The following MCPH1 variants were observed in gnomAD, a reference collection of about 807,000 sequenced individuals.
The protein encoded by MCPH1 is microcephalin 1, also known as microcephalin.
MCPH1 carries 104 observed loss-of-function variants against 84.5 expected under a neutral mutation model. The observed-to-expected ratio is 1.23, with a 90% CI of 1.05 to 1.45. MCPH1 has a LOEUF of 1.45. Ranked by LOEUF, MCPH1 falls within the 40% of genes most tolerant of loss-of-function variation. The probability of loss-of-function intolerance (pLI) is 0.00; values close to 1 mark genes in which losing one functional copy is unlikely to be tolerated. For synonymous variants in MCPH1, 514 were observed against 366.8 expected, an observed-to-expected ratio of 1.40 and a Z score of -4.58; for missense variants, 1,498 against 1,005.7, an observed-to-expected ratio of 1.49 and a Z score of -6.62.
At chr8:6,615,735 TG>T (rs1830722743) in intron 12 of MCPH1, 1 of 152,102 alleles carries the variant, frequency 6.6e-6, no homozygotes, top group Non-Finnish European at 1.5e-5. Context: ...TGTAGGGAAC[TG>T]GGGAAAAAAT....
intron 11 of MCPH1, among the ~76,000 whole-genome samples, chr8:6,492,438 A>T (rs1810726334): frequency 6.6e-6 from 1 of 151,476 alleles, no homozygotes; most frequent in Admixed American, 6.6e-5. Flanking sequence ...GTTCACTCTG[A>T]TGGTAGTTTC....
At chr8:6,571,794 G>T (rs960535208) in intron 12 of MCPH1, among the ~76,000 whole-genome samples, 4 of 152,114 alleles carry the variant, frequency 2.6e-5, no homozygotes, top group African/African-American at 7.2e-5. Context: ...GGGAAATTAG[G>T]CTTGATTATA....
chr8:6,456,432 C>T (rs1805685916), intron 9 of MCPH1, among the ~76,000 whole-genome samples: 1 of 152,170 alleles, frequency 6.6e-6, no homozygotes, highest in Admixed American at 6.5e-5. Flanking sequence ...CTTCTTCCTA[C>T]TGCTACATGG....
Position 6,444,726 on chromosome 8 carries a change from C to A in MCPH1, c.1004C>A (p.Thr335Asn), listed in dbSNP as rs758634945. The A allele has an allele frequency of 1.2e-5, 20 of 1,614,028 alleles. No individual in the cohort carries two copies. The South Asian group carries it at 2.2e-4, about 18-fold the overall frequency. ...TFEEKYRLSP[T>N]LSSTKGHLLI... ...GAAGAGAAGTATCGTTTGTCTCCTA[C>A]CTTATCTTCAACAAAAGGCCACCTT... is the stretch of plus-strand genomic sequence containing the variant. Residue 335 changes from threonine to asparagine, a missense_variant, in exon 8 of 14, where the codon ACC becomes AAC. By Grantham distance (65) the Thr-to-Asn change is moderately conservative. Transcript: ENST00000344683.
chr8:6,554,025 A>G (rs988425551), intron 12 of MCPH1, among the ~76,000 whole-genome samples: 3 of 151,612 alleles, frequency 2.0e-5, no homozygotes, highest in Non-Finnish European at 4.4e-5. Context: ...TTTAACCTTC[A>G]TCCCTGAAAT....
chr8:6,532,393 C>A, intron 12 of MCPH1: 1 of 1,614,046 alleles, frequency 6.2e-7, no homozygotes, highest in Non-Finnish European at 8.5e-7. Context: ...CAGGTTTGTC[C>A]CTATTTCTAT....
chr8:6,508,463 A>G (rs916615754), intron 12 of MCPH1: 1 of 179,950 alleles, frequency 5.6e-6, no homozygotes, highest in Admixed American at 6.1e-5. Flanking sequence ...AAACAACTGG[A>G]GACTGTGTCT....
chr8:6,635,984 A>G (rs1797519698), intron 13 of MCPH1, among the ~76,000 whole-genome samples: 1 of 152,178 alleles, frequency 6.6e-6, no homozygotes, highest in Non-Finnish European at 1.5e-5. Flanking sequence ...CTTATTTTTT[A>G]CTGTGAAGTA....
rs1000942975 is a variant in MCPH1 at position 6,513,418 on chromosome 8, C to T, written c.2214+13489C>T. 3.3e-5 allele frequency among the ~76,000 whole-genome samples: 5 copies of T among 151,520 alleles called. No homozygotes were observed. In the East Asian group the frequency reaches 5.8e-4, roughly 18 times the overall value. Reference sequence around the variant, plus strand: ...CACGATCTCGGCTCACTGCAAGCTCCGCCTCCCGGGTTCACGCCATTCTTC... The same window carrying T: ...CACGATCTCGGCTCACTGCAAGCTCTGCCTCCCGGGTTCACGCCATTCTTC... On this transcript the variant is annotated intron_variant, in intron 12 of 13. Transcript: ENST00000344683.
In MCPH1 at chr8:6,444,772, G is replaced by T. The variant is rs540202402; in HGVS notation, c.1050G>T (p.Arg350Ser). Residue 350 changes from arginine (R) to serine (S), a missense_variant, in exon 8 of 14, where the codon AGG becomes AGT. By Grantham distance (110) the Arg-to-Ser change is moderately radical (BLOSUM62 -1). Coordinates refer to ENST00000344683, the MANE Select transcript of MCPH1 (RefSeq NM_024596.5). ...KGHLLIHSRP[R>S]SSSVKRKRVS... ...ACCTTTTGATACATTCAAGACCCAG[G>T]AGTTCCTCAGTAAAGAGAAAAAGAG... The T allele has an allele frequency of 2.5e-6, 4 of 1,613,916 alleles. No individual in the cohort carries two copies. The highest frequency in any genetic ancestry group is 3.4e-6 in the Non-Finnish European group (4 of 1,180,002).
intron 3 of MCPH1, 33 bp from the exon 4 acceptor site, chr8:6,431,466 T>C: frequency 1.3e-6 from 2 of 1,520,232 alleles, no homozygotes. Context: ...TAGAAGCAAA[T>C]ACTCATTAGA....
chr8:6,480,904 T>C (rs1809138152), intron 11 of MCPH1, 28 bp downstream of exon 11: 1 of 1,611,796 alleles, frequency 6.2e-7, no homozygotes, highest in Non-Finnish European at 8.5e-7. Flanking sequence ...ACTGCGTATT[T>C]TAAAACAAGG....
intron 13 of MCPH1, among the ~76,000 whole-genome samples, chr8:6,632,580 G>C (rs562666457): frequency 8.5e-5 from 13 of 152,106 alleles, no homozygotes; most frequent in Admixed American, 2.6e-4. Context: ...AAGGCCGAGG[G>C]GGGCGGATCA....
intron 12 of MCPH1, among the ~76,000 whole-genome samples, chr8:6,568,389 A>G (rs1467845665): frequency 6.6e-6 from 1 of 152,192 alleles, no homozygotes; most frequent in Admixed American, 6.5e-5. Context: ...ATAAGCAACC[A>G]GAAACCAAAA....
chr8:6,479,111 C>A (rs560700014), intron 10 of MCPH1, among the ~76,000 whole-genome samples: 1 of 152,110 alleles, frequency 6.6e-6, no homozygotes, highest in South Asian at 2.1e-4. Flanking sequence ...CAAAAAAATG[C>A]AAAAGTTAGC....
chr8:6,571,340 A>G (rs1281198365), intron 12 of MCPH1, among the ~76,000 whole-genome samples: 1 of 152,198 alleles, frequency 6.6e-6, no homozygotes, highest in Non-Finnish European at 1.5e-5. Flanking sequence ...ATTTCCTTTG[A>G]CAAACACCAT....
intron 3 of MCPH1, among the ~76,000 whole-genome samples, chr8:6,430,621 A>T (rs1301491195): frequency 6.6e-6 from 1 of 152,206 alleles, no homozygotes; most frequent in Non-Finnish European, 1.5e-5. Flanking sequence ...ATTGCAGTGT[A>T]CTTTATTTTT....
chr8:6,474,249 C>G (rs139269396), intron 9 of MCPH1: 146 of 586,522 alleles, frequency 2.5e-4, no homozygotes, highest in African/African-American at 2.1e-3. Context: ...TTTTCTCAAG[C>G]TAAATCACCC....
rs137936954 is a variant in MCPH1, at chr8:6,488,094, C to G, written c.2136+7218C>G. Among the ~76,000 whole-genome samples the G allele has an allele frequency of 3.1e-3, 469 of 152,362 alleles. 2 individuals carry two copies. The highest frequency in any genetic ancestry group is 4.4e-3 in the Non-Finnish European group (301 of 68,040). ...CCACAGAGTTTGTCTGCTTCTTTCACTTGAGGTGGTTCCTGAGCAGTGCCA... is the reference window on the plus strand; with the variant it reads ...CCACAGAGTTTGTCTGCTTCTTTCAGTTGAGGTGGTTCCTGAGCAGTGCCA... On this transcript the variant is annotated intron_variant, in intron 11 of 13. Coordinates refer to ENST00000344683, the MANE Select transcript of MCPH1 (RefSeq NM_024596.5).
Sources: gnomAD v4.1 joint callset for allele counts (sites outside exome capture counted in the v4.1 genomes callset) on GRCh38, gnomAD v4.1.1 for gene constraint, MANE v1.5 for transcripts, NCBI Gene and HGNC (gene_info 2026-07-23, HGNC 2026-07-21) for gene names.